Variants in ABCA13 observed in about 807,000 individuals in gnomAD.
ABCA13 encodes ATP-binding cassette sub-family A member 13.
A neutral mutation model predicts 478.7 loss-of-function variants in ABCA13; 476 were observed. That is an observed-to-expected ratio of 0.99 (90% confidence interval 0.92 to 1.07). The LOEUF (loss-of-function observed/expected upper bound fraction) is 1.07. ABCA13 is among the 50% of genes least tolerant of loss of function. ABCA13 has a pLI of 0.00. For missense variants in ABCA13, 6,060 were observed against 5,910.6 expected (o/e 1.03, Z -0.83); for synonymous variants, 2,252 against 2,158.9 (o/e 1.04, Z -1.20).
At chr7:48,413,545 T>C (rs1819555788) in intron 41 of ABCA13, among the ~76,000 whole-genome samples, 1 of 152,216 alleles carries the variant, frequency 6.6e-6, no homozygotes, top group African/African-American at 2.4e-5. Context: ...TTTACATTGC[T>C]ATTATTTATA....
At position 48,567,450 on chromosome 7, in the gene ABCA13, G is replaced by C. The variant is rs997871202; in HGVS notation, c.14355-12774G>C. Among the ~76,000 whole-genome samples the C allele has an allele frequency of 3.9e-5, 6 of 151,994 alleles. No homozygotes were observed. The East Asian group carries it at 1.2e-3, about 29-fold the overall frequency. On this transcript the variant is annotated intron_variant, in intron 55 of 61. Coordinates refer to ENST00000435803, the MANE Select transcript of ABCA13 (RefSeq NM_152701.5). ...TATTATATGGCTTTACATTGTTAGG[G>C]AGCTCATTGAGATTGGGGAGTAGTT...
intron 31 of ABCA13, among the ~76,000 whole-genome samples, chr7:48,354,639 A>G (rs1281694009): frequency 2.0e-5 from 3 of 152,088 alleles, no homozygotes; most frequent in Admixed American, 2.0e-4. Flanking sequence ...TACTACTGGG[A>G]TACAGCAATA....
intron 38 of ABCA13, among the ~76,000 whole-genome samples, chr7:48,393,996 C>T (rs893284271): frequency 6.6e-6 from 1 of 152,154 alleles, no homozygotes; most frequent in Non-Finnish European, 1.5e-5. Flanking sequence ...TTATCTTGTC[C>T]CCAAACCCAA....
At chr7:48,621,924 T>C (rs1174691299) in intron 59 of ABCA13, among the ~76,000 whole-genome samples, 1 of 152,162 alleles carries the variant, frequency 6.6e-6, no homozygotes, top group East Asian at 1.9e-4. Context: ...CTGGTGCAGG[T>C]GGAAATATTT....
intron 3 of ABCA13, among the ~76,000 whole-genome samples, chr7:48,203,429 G>A (rs1052133009): frequency 1.1e-4 from 16 of 152,238 alleles, no homozygotes; most frequent in Admixed American, 6.5e-4. Context: ...CAGAGGAGGC[G>A]CTGAGAGCAA....
chr7:48,451,522 A>G (rs1825033947), intron 42 of ABCA13, among the ~76,000 whole-genome samples: 1 of 152,156 alleles, frequency 6.6e-6, no homozygotes, highest in African/African-American at 2.4e-5. Flanking sequence ...TACTATATTG[A>G]TTAGTTTAAA....
At chr7:48,642,639 A>G (rs1795176771) in intron 59 of ABCA13, among the ~76,000 whole-genome samples, 2 of 152,100 alleles carry the variant, frequency 1.3e-5, no homozygotes, top group Non-Finnish European at 2.9e-5. Flanking sequence ...GGACCCCTAC[A>G]TTCCTGGAGA....
chr7:48,455,152 C>T lies in ABCA13; in HGVS notation c.12681C>T (p.Leu4227=), dbSNP rs1028183293. The change falls in exon 43 of 62, where the codon CTC becomes CTT. Residue 4227 remains leucine, a synonymous_variant. Transcript: ENST00000435803. Reference sequence around the variant, plus strand: ...CGCTGCGCGCCGGGAAGAGCACCCTCGCCGACCTGCTGCTGCCAGTCCTCT... The same window carrying T: ...CGCTGCGCGCCGGGAAGAGCACCCTTGCCGACCTGCTGCTGCCAGTCCTCT... ...RRTLRAGKST[L]ADLLLPVLFV... is the part of the protein sequence containing the mutation. 13 of 1,578,718 alleles carry T rather than the reference C, an allele frequency of 8.2e-6. No homozygotes were observed. The highest frequency in any genetic ancestry group is 1.0e-5 in the Non-Finnish European group (12 of 1,162,728).
At chr7:48,281,940 G>C (rs1797111910) in intron 19 of ABCA13, among the ~76,000 whole-genome samples, 1 of 152,106 alleles carries the variant, frequency 6.6e-6, no homozygotes, top group Non-Finnish European at 1.5e-5. Context: ...TTCCTGATGG[G>C]TGCTGAGTAG....
At chr7:48,184,497 T>C (rs1045216021) in intron 1 of ABCA13, among the ~76,000 whole-genome samples, 1 of 152,188 alleles carries the variant, frequency 6.6e-6, no homozygotes, top group Non-Finnish European at 1.5e-5. Context: ...GAAAACTGTC[T>C]GTTTTCTTCT....
At chr7:48,408,260 C>T (rs1352975362) in intron 39 of ABCA13, among the ~76,000 whole-genome samples, 1 of 152,234 alleles carries the variant, frequency 6.6e-6, no homozygotes, top group Non-Finnish European at 1.5e-5. Flanking sequence ...GCCCCGCCAG[C>T]TCCTGGCAAC....
At chr7:48,201,458 T>C (rs1312055372) in intron 3 of ABCA13, among the ~76,000 whole-genome samples, 1 of 152,034 alleles carries the variant, frequency 6.6e-6, no homozygotes, top group Non-Finnish European at 1.5e-5. Flanking sequence ...GGAGACCAAC[T>C]CGTCTGGCAT....
At chr7:48,252,213 T>C (rs1435549227) in intron 15 of ABCA13, among the ~76,000 whole-genome samples, 1 of 152,132 alleles carries the variant, frequency 6.6e-6, no homozygotes, top group Admixed American at 6.5e-5. Context: ...TTTTCTTTGC[T>C]CCTCTGATTT....
chr7:48,504,034 A>G (rs1290212567), intron 48 of ABCA13, among the ~76,000 whole-genome samples: 1 of 152,236 alleles, frequency 6.6e-6, no homozygotes, highest in Admixed American at 6.5e-5. Context: ...GCTGGAAACA[A>G]AACAAACAAA....
rs1237124619 is a variant in ABCA13 at position 48,352,244 on chromosome 7, C to G, written c.10445C>G (p.Pro3482Arg). The change falls in exon 31 of 62, where the codon CCC becomes CGC. Residue 3482 changes from proline to arginine, a missense_variant. Pro to Arg is a moderately radical substitution (Grantham distance 103). Transcript: ENST00000435803. ...AGATCAGAGTCTGTCAAACTGCCAC[C>G]CCATGTCTCATACACAATCCGGACC... is the stretch of plus-strand genomic sequence containing the variant. ...NFRSESVKLP[P>R]HVSYTIRTNV... 2 of 1,613,072 alleles carry G rather than the reference C, an allele frequency of 1.2e-6. No individual in the cohort carries two copies. Among genetic ancestry groups the G allele is most frequent in the African/African-American group, 2.7e-5 (2 of 74,750 alleles).
chr7:48,615,438 G>A, intron 59 of ABCA13, 61 bp downstream of exon 59: 1 of 1,436,340 alleles, frequency 7.0e-7, no homozygotes, highest in Non-Finnish European at 9.5e-7. Context: ...ATGATGCAGG[G>A]TTATGACTGG....
chr7:48,175,218 TTTTA>T (rs1794675795), intron 1 of ABCA13, among the ~76,000 whole-genome samples: 1 of 152,190 alleles, frequency 6.6e-6, no homozygotes, highest in Non-Finnish European at 1.5e-5. Context: ...CTTATTTTAT[TTTTA>T]TTTCTTTTAA....
intron 14 of ABCA13, 116 bp downstream of exon 14, chr7:48,248,560 G>A: frequency 1.1e-6 from 1 of 889,554 alleles, no homozygotes; most frequent in East Asian, 2.6e-5. Context: ...AATAGAAAGA[G>A]GTTCAATTTA....
chr7:48,499,502 A>G (rs1417841803), intron 48 of ABCA13, among the ~76,000 whole-genome samples: 1 of 152,228 alleles, frequency 6.6e-6, no homozygotes, highest in Non-Finnish European at 1.5e-5. Flanking sequence ...ATTGGACAAA[A>G]GCACAGATGT....
Sources: gnomAD v4.1 joint callset for allele counts (sites outside exome capture counted in the v4.1 genomes callset) on GRCh38, gnomAD v4.1.1 for gene constraint, MANE v1.5 for transcripts, NCBI Gene and HGNC (gene_info 2026-07-23, HGNC 2026-07-21) for gene names.